Variants in NBEA observed in about 807,000 individuals in gnomAD.
NBEA encodes lysosomal-trafficking regulator 2.
In NBEA, 44 loss-of-function variants were observed where a neutral mutation model predicts 343.4. The observed-to-expected ratio is 0.13, with a 90% confidence interval of 0.10 to 0.16. The LOEUF (loss-of-function observed/expected upper bound fraction) is 0.16. NBEA is among the 10% of genes least tolerant of loss of function. The pLI is 1.00. For missense variants in NBEA, 2,555 were observed against 3,631.3 expected (o/e 0.70, Z 7.62); for synonymous variants, 1,175 against 1,238.7 (o/e 0.95, Z 1.08).
chr13:35,149,984 CT>C (rs2068675536), intron 18 of NBEA, among the ~76,000 whole-genome samples: 1 of 152,110 alleles, frequency 6.6e-6, no homozygotes, highest in Admixed American at 6.6e-5. Flanking sequence ...AGATTTTGGT[CT>C]CTGGTGATAT....
intron 34 of NBEA, among the ~76,000 whole-genome samples, chr13:35,236,533 G>A (rs969939662): frequency 4.6e-5 from 7 of 151,914 alleles, no homozygotes; most frequent in African/African-American, 1.2e-4. Flanking sequence ...TGCAAGCTCC[G>A]CCTTCTGGGT....
intron 35 of NBEA, among the ~76,000 whole-genome samples, chr13:35,308,279 A>C (rs1038927283): frequency 6.0e-5 from 9 of 151,112 alleles, no homozygotes; most frequent in Admixed American, 5.3e-4. Context: ...TACAACCAAC[A>C]CCTTATTAGA....
chr13:35,274,121 A>G (rs563902673), intron 34 of NBEA, among the ~76,000 whole-genome samples: 45 of 152,326 alleles, frequency 3.0e-4, no homozygotes, highest in African/African-American at 1.1e-3. Flanking sequence ...TCAATAAAAT[A>G]CTGGCCTACT....
intron 36 of NBEA, among the ~76,000 whole-genome samples, chr13:35,318,868 A>G (rs1242792278): frequency 2.0e-5 from 3 of 152,144 alleles, no homozygotes; most frequent in Non-Finnish European, 4.4e-5. Flanking sequence ...CATTTCTTCT[A>G]GATTTTCTAG....
chr13:35,041,979 C>T (rs1002888460), intron 2 of NBEA, among the ~76,000 whole-genome samples: 4 of 151,852 alleles, frequency 2.6e-5, no homozygotes, highest in African/African-American at 7.2e-5. Flanking sequence ...TATAAAAGTG[C>T]TGATATTACC....
At position 35,472,440 on chromosome 13, in the gene NBEA, CGTG is replaced by C; in HGVS notation, c.6497_6499del (p.Val2166del). 1 of 1,613,968 alleles carries C rather than the reference CGTG, an allele frequency of 6.2e-7. No individual in the cohort carries two copies. Among genetic ancestry groups the C allele is most frequent in the Non-Finnish European group, 8.5e-7 (1 of 1,179,888 alleles). On this transcript the variant is annotated inframe_deletion, in exon 41 of 59. Coordinates refer to ENST00000379939, the MANE Select transcript of NBEA (RefSeq NM_001385012.1). The stretch of plus-strand genomic sequence containing the variant: ...GCACCCCTGCCCAGCTCATCGCTCC[CGTG>C]GTGGTGGCCAAGGGGACTCTCTCCA...
chr13:35,456,922 T>A (rs2046609579), intron 40 of NBEA, among the ~76,000 whole-genome samples: 2 of 151,362 alleles, frequency 1.3e-5, no homozygotes, highest in African/African-American at 2.4e-5. Context: ...ATTGTAATAA[T>A]TTTTTTTGTT....
At chr13:35,311,748 G>A (rs1015094000) in intron 36 of NBEA, among the ~76,000 whole-genome samples, 3 of 152,116 alleles carry the variant, frequency 2.0e-5, no homozygotes, top group Admixed American at 6.6e-5. Context: ...CAGCCACTCA[G>A]GAGGCTGAGG....
chr13:35,125,782 G>C (rs1391902468), intron 17 of NBEA, among the ~76,000 whole-genome samples: 1 of 152,046 alleles, frequency 6.6e-6, no homozygotes, highest in Non-Finnish European at 1.5e-5. Flanking sequence ...GGAATACATA[G>C]CATTTTGATT....
At chr13:35,060,968 A>G (rs1397343427) in intron 8 of NBEA, among the ~76,000 whole-genome samples, 1 of 151,720 alleles carries the variant, frequency 6.6e-6, no homozygotes, top group Admixed American at 6.6e-5. Flanking sequence ...CATAGTATTT[A>G]TATTTTTTTG....
intron 7 of NBEA, among the ~76,000 whole-genome samples, chr13:35,056,478 A>G (rs1317699186): frequency 3.3e-5 from 5 of 152,136 alleles, no homozygotes; most frequent in Admixed American, 3.3e-4. Flanking sequence ...GATAGTCACT[A>G]TTATTAATTA....
In NBEA at chr13:35,104,917, A is replaced by T. The variant is rs1329584705; in HGVS notation, c.1681-4373A>T. 3.9e-5 allele frequency among the ~76,000 whole-genome samples: 6 copies of T among 152,118 alleles called. No homozygotes were observed. The East Asian group carries it at 1.2e-3, about 29-fold the overall frequency. Reference sequence around the variant, plus strand: ...AAACATTAGGAAAATATACTAACTGATGTAACTGAAAGCCTAGTGTTAGAT... The same window carrying T: ...AAACATTAGGAAAATATACTAACTGTTGTAACTGAAAGCCTAGTGTTAGAT... On this transcript the variant is annotated intron_variant, in intron 11 of 58. Transcript: ENST00000379939.
intron 38 of NBEA, among the ~76,000 whole-genome samples, chr13:35,363,448 C>A (rs1468423129): frequency 6.6e-6 from 1 of 151,780 alleles, no homozygotes; most frequent in Admixed American, 6.6e-5. Context: ...CTTATATTAC[C>A]TTCCTAGCCT....
chr13:35,449,892 T>TAAGG (rs1285048388), intron 39 of NBEA, among the ~76,000 whole-genome samples: 21 of 152,178 alleles, frequency 1.4e-4, no homozygotes, highest in Non-Finnish European at 2.9e-4. Flanking sequence ...TATTTATACA[T>TAAGG]TTAAGGTACG....
intron 6 of NBEA, among the ~76,000 whole-genome samples, chr13:35,055,103 A>G (rs538377846): frequency 6.6e-6 from 1 of 152,210 alleles, no homozygotes; most frequent in African/African-American, 2.4e-5. Flanking sequence ...AATAATCTGT[A>G]GAACAAAGTT....
intron 40 of NBEA, 95 bp from the exon 41 acceptor site, chr13:35,472,305 G>T (rs1300248972): frequency 1.8e-5 from 25 of 1,378,692 alleles, no homozygotes; most frequent in East Asian, 4.7e-5. Flanking sequence ...TTTTTCTAGT[G>T]CATCCTTACC....
intron 34 of NBEA, chr13:35,251,385 G>T: frequency 9.6e-7 from 1 of 1,043,532 alleles, no homozygotes; most frequent in Non-Finnish European, 1.2e-6. Context: ...CTGTGTGCTG[G>T]TGTTCTGCCA....
At chr13:35,652,988 C>T (rs1205507886) in intron 53 of NBEA, among the ~76,000 whole-genome samples, 1 of 151,868 alleles carries the variant, frequency 6.6e-6, no homozygotes, top group African/African-American at 2.4e-5. Context: ...GCCACCGCGC[C>T]CGGCCACCTC....
chr13:35,439,132 G>A (rs1352182713), intron 39 of NBEA, among the ~76,000 whole-genome samples: 1 of 152,110 alleles, frequency 6.6e-6, no homozygotes, highest in Non-Finnish European at 1.5e-5. Flanking sequence ...GTGCACTGCT[G>A]GCATCTAATT....
Sources: allele counts gnomAD v4.1 joint callset (sites outside exome capture counted in the v4.1 genomes callset), GRCh38; gene constraint gnomAD v4.1.1; transcripts MANE v1.5; gene names NCBI Gene and HGNC (gene_info 2026-07-23, HGNC 2026-07-21).